The following KLHL13 variants were observed in gnomAD, a reference collection of about 807,000 sequenced individuals.
KLHL13 encodes the protein kelch-like protein 13.
Under a neutral mutation model 37.1 loss-of-function variants are expected in KLHL13, and 10 were observed. That is an observed-to-expected ratio of 0.27 (90% CI 0.17 to 0.46). KLHL13 has a LOEUF of 0.46. Ranked by LOEUF, KLHL13 falls within the 20% of genes least tolerant of loss-of-function variation. KLHL13 has a pLI of 1.00. For synonymous variants in KLHL13, 163 were observed against 181.2 expected (o/e 0.90, Z 0.81); for missense variants, 360 against 509.3 (o/e 0.71, Z 2.82).
At chrX:118,021,245 T>C (rs182673661) in intron 1 of KLHL13, among the ~76,000 whole-genome samples, 5 of 108,534 alleles carry the variant, frequency 4.6e-5, no homozygotes, top group Admixed American at 2.0e-4. Context: ...ATCTCCTTTT[T>C]TTTTATTATT....
At chrX:117,981,650 C>A (rs755130901) in intron 1 of KLHL13, among the ~76,000 whole-genome samples, 1 of 111,561 alleles carries the variant, frequency 9.0e-6, no homozygotes, top group South Asian at 3.8e-4. Flanking sequence ...TATGAATCTT[C>A]CACTACAGGG....
intron 1 of KLHL13, among the ~76,000 whole-genome samples, chrX:117,951,917 T>C (rs1193566868): frequency 3.6e-5 from 4 of 111,647 alleles, no homozygotes; most frequent in African/African-American, 9.8e-5. Context: ...TACAAACAAA[T>C]GGAAGAACAT....
At chrX:118,007,519 T>G (rs1437524280) in intron 1 of KLHL13, among the ~76,000 whole-genome samples, 2 of 111,285 alleles carry the variant, frequency 1.8e-5, no homozygotes, top group East Asian at 5.6e-4. Flanking sequence ...CAGGCACAGC[T>G]CTTCCTGTCA....
chrX:117,972,600 A>G, intron 1 of KLHL13: 1 of 479,816 alleles, frequency 2.1e-6, no homozygotes, highest in East Asian at 3.6e-5. Flanking sequence ...CTTTAAATGT[A>G]AGCAAGCTTG....
At chrX:117,953,311 AC>A (rs1569424844) in intron 1 of KLHL13, among the ~76,000 whole-genome samples, 1 of 110,935 alleles carries the variant, frequency 9.0e-6, no homozygotes. Flanking sequence ...AAGGAAAAAA[AC>A]CAAACACCGC....
chrX:117,936,739 G>A (rs900531195), intron 2 of KLHL13, among the ~76,000 whole-genome samples: 1 of 110,908 alleles, frequency 9.0e-6, no homozygotes, highest in Non-Finnish European at 1.9e-5. Flanking sequence ...GGGCTCAGGA[G>A]TTCCCTGTGG....
chrX:118,105,140 C>T (rs749934420), intron 1 of KLHL13, among the ~76,000 whole-genome samples: 3 of 112,498 alleles, frequency 2.7e-5, no homozygotes, highest in Admixed American at 9.4e-5. Flanking sequence ...TTCAGAAATA[C>T]GTTCCTTGCT....
chrX:118,088,580 T>C (rs2055080859), intron 1 of KLHL13, among the ~76,000 whole-genome samples: 1 of 112,077 alleles, frequency 8.9e-6, no homozygotes, highest in Non-Finnish European at 1.9e-5. Flanking sequence ...GCCTACATAA[T>C]GATAACTTTA....
At chrX:118,001,501 C>T (rs948457141) in intron 1 of KLHL13, among the ~76,000 whole-genome samples, 2 of 111,550 alleles carry the variant, frequency 1.8e-5, no homozygotes, top group Non-Finnish European at 3.8e-5. Flanking sequence ...AGAACTAATG[C>T]AATTGAATGA....
At position 118,061,574 on chromosome X, in the gene KLHL13, T is replaced by A. The variant is rs146509286; in HGVS notation, c.-56+54934A>T. ...AAGCTTGAATCAAATAAAGATGTTG[T>A]CTCAAAACTAAATTATATATCCACT... On this transcript the variant is annotated intron_variant, in intron 1 of 6. Coordinates refer to the KLHL13 transcript ENST00000371882. 8.8e-3 allele frequency among the ~76,000 whole-genome samples: 987 copies of A among 111,920 alleles called. 15 individuals are homozygous for A. The highest frequency in any genetic ancestry group is 0.03 in the African/African-American group (912 of 30,874).
chrX:117,899,592 G>C (rs1359411190), intron 6 of KLHL13, among the ~76,000 whole-genome samples, 197 bp from the exon 8 acceptor site: 1 of 111,930 alleles, frequency 8.9e-6, no homozygotes, highest in Non-Finnish European at 1.9e-5. Flanking sequence ...TCTTCTTAAA[G>C]AACAAAACAA....
intron 1 of KLHL13, among the ~76,000 whole-genome samples, chrX:118,030,326 A>T (rs1253296764): frequency 8.9e-6 from 1 of 111,784 alleles, no homozygotes; most frequent in Non-Finnish European, 1.9e-5. Context: ...GTGATGAGAG[A>T]ATTTGAGATG....
rs187280741 is a variant in KLHL13, at chrX:117,902,402, T to C, written c.1367-456A>G. On this transcript the variant is annotated intron_variant, in intron 5 of 6. Transcript: ENST00000262820. ...ACATTGAGAATGAAAATATACACACTTCTTGGTTTATGTTCTGAAGCCCAC... is the reference window on the plus strand; with the variant it reads ...ACATTGAGAATGAAAATATACACACCTCTTGGTTTATGTTCTGAAGCCCAC... 2.2e-3 allele frequency among the ~76,000 whole-genome samples: 248 copies of C among 111,773 alleles called. 1 individual carries two copies. The highest frequency in any genetic ancestry group is 0.014 in the Middle Eastern group (3 of 217).
rs1602586595 is a variant in KLHL13, at chrX:117,951,248, T to G, written c.99-5673A>C. ...TGTATATAAAATAAGCCTGGCATTTTTGTTGAAAAAAATTAAAAACTTAAA... is the reference window on the plus strand; with the variant it reads ...TGTATATAAAATAAGCCTGGCATTTGTGTTGAAAAAAATTAAAAACTTAAA... On this transcript the variant is annotated intron_variant, in intron 1 of 6. Coordinates refer to ENST00000262820, the Ensembl canonical transcript of KLHL13. 5.4e-5 allele frequency among the ~76,000 whole-genome samples: 6 copies of G among 111,842 alleles called. 1 individual carries two copies. In the Admixed American group the frequency reaches 5.7e-4, roughly 11 times the overall value.
At chrX:118,069,109 TCACA>T (rs771534683) in intron 1 of KLHL13, among the ~76,000 whole-genome samples, 1,216 of 83,900 alleles carry the variant, frequency 0.014, 22 homozygotes, top group East Asian at 0.092. Flanking sequence ...TCCAGAAGAG[TCACA>T]CACACACACA....
intron 1 of KLHL13, among the ~76,000 whole-genome samples, chrX:118,052,985 A>G (rs896311436): frequency 1.8e-4 from 20 of 112,087 alleles, no homozygotes; most frequent in Non-Finnish European, 3.8e-4. Flanking sequence ...TGTATATGGT[A>G]CAAAACACCA....
chrX:118,032,608 G>A (rs2054370269), intron 1 of KLHL13, among the ~76,000 whole-genome samples: 1 of 111,574 alleles, frequency 9.0e-6, no homozygotes, highest in Non-Finnish European at 1.9e-5. Context: ...CATCATCAAA[G>A]ACCAAAAGTA....
chrX:118,054,619 A>T (rs1050848590), intron 1 of KLHL13, among the ~76,000 whole-genome samples: 12 of 111,753 alleles, frequency 1.1e-4, no homozygotes, highest in Non-Finnish European at 2.3e-4. Context: ...CACATTTCTT[A>T]AAAAATAAGT....
chrX:118,032,169 C>T (rs953776264), intron 1 of KLHL13, among the ~76,000 whole-genome samples: 19 of 111,212 alleles, frequency 1.7e-4, no homozygotes, highest in African/African-American at 5.9e-4. Flanking sequence ...GGGGGAGGGG[C>T]GCCCACCATT....
Sources: allele counts gnomAD v4.1 joint callset (sites outside exome capture counted in the v4.1 genomes callset), GRCh38; gene constraint gnomAD v4.1.1; transcripts MANE v1.5; gene names NCBI Gene and HGNC (gene_info 2026-07-23, HGNC 2026-07-21).